Variants in MARCHF1 observed in about 807,000 individuals in gnomAD.
The protein encoded by MARCHF1 is E3 ubiquitin-protein ligase MARCHF1.
Under a neutral mutation model 54.2 loss-of-function variants are expected in MARCHF1, and 40 were observed. The observed-to-expected ratio is 0.74, with a 90% confidence interval of 0.57 to 0.96. The LOEUF (loss-of-function observed/expected upper bound fraction) is 0.96, where lower values mean the gene tolerates loss of function less well. Among genes scored for constraint, MARCHF1 ranks in the 40% least tolerant of loss-of-function variants. The pLI is 0.00. For missense variants in MARCHF1, 586 were observed against 656.5 expected (o/e 0.89, Z 1.17); for synonymous variants, 236 against 236.3 (o/e 1.00, Z 0.01).
chr4:164,077,309 G>T (rs1367165953), intron 2 of MARCHF1, among the ~76,000 whole-genome samples: 1 of 152,138 alleles, frequency 6.6e-6, no homozygotes, highest in African/African-American at 2.4e-5. Flanking sequence ...AATGGTGTTG[G>T]CAAAACTGGC....
intron 2 of MARCHF1, among the ~76,000 whole-genome samples, chr4:164,035,224 C>G (rs1393542447): frequency 6.6e-6 from 1 of 151,992 alleles, no homozygotes; most frequent in Non-Finnish European, 1.5e-5. Context: ...TGTTTAACAG[C>G]TTTTCCAATG....
chr4:164,221,845 T>A (rs1412898214), intron 1 of MARCHF1, among the ~76,000 whole-genome samples: 1 of 152,060 alleles, frequency 6.6e-6, no homozygotes, highest in Non-Finnish European at 1.5e-5. Flanking sequence ...ATGAGTCATA[T>A]GTCCACTCCA....
chr4:164,199,266 G>A (rs1202709051), intron 1 of MARCHF1, among the ~76,000 whole-genome samples: 2 of 152,074 alleles, frequency 1.3e-5, no homozygotes, highest in Non-Finnish European at 2.9e-5. Context: ...CTTTTATATA[G>A]CTTATACAAT....
intron 3 of MARCHF1, among the ~76,000 whole-genome samples, chr4:163,947,508 G>A (rs1360315719): frequency 6.6e-6 from 1 of 152,216 alleles, no homozygotes; most frequent in Non-Finnish European, 1.5e-5. Flanking sequence ...AGGCAGAAGT[G>A]TCAGAGTCAG....
chr4:163,913,497 T>G (rs1198935797), intron 3 of MARCHF1, among the ~76,000 whole-genome samples: 1 of 152,140 alleles, frequency 6.6e-6, no homozygotes, highest in Non-Finnish European at 1.5e-5. Context: ...ACAGTTGCTA[T>G]TTTCCCTACA....
chr4:164,182,658 T>C (rs1033163902), intron 1 of MARCHF1, among the ~76,000 whole-genome samples: 7 of 151,914 alleles, frequency 4.6e-5, no homozygotes, highest in Admixed American at 1.3e-4. Flanking sequence ...TTACACAGAT[T>C]TTACAATCAT....
intron 8 of MARCHF1, among the ~76,000 whole-genome samples, chr4:163,577,153 G>C (rs1740067643): frequency 6.6e-6 from 1 of 151,936 alleles, no homozygotes; most frequent in South Asian, 2.1e-4. Flanking sequence ...GCTTTATAGG[G>C]TCTGTTTTGT....
chr4:163,794,753 A>T (rs1579292350), intron 4 of MARCHF1, among the ~76,000 whole-genome samples: 1 of 152,346 alleles, frequency 6.6e-6, no homozygotes, highest in East Asian at 1.9e-4. Context: ...CCTGGGTTTT[A>T]CTTGTTGATT....
chr4:163,617,292 G>C (rs1473330528), intron 5 of MARCHF1, among the ~76,000 whole-genome samples: 1 of 152,142 alleles, frequency 6.6e-6, no homozygotes, highest in Non-Finnish European at 1.5e-5. Context: ...AGCCAAGTAA[G>C]AGGAAGACAT....
At chr4:163,983,290 G>A (rs993602275) in intron 3 of MARCHF1, among the ~76,000 whole-genome samples, 1 of 152,104 alleles carries the variant, frequency 6.6e-6, no homozygotes, top group African/African-American at 2.4e-5. Flanking sequence ...AAACTTGAAA[G>A]GCTGAGTTAT....
intron 1 of MARCHF1, among the ~76,000 whole-genome samples, chr4:164,334,857 G>C (rs1456858028): frequency 6.6e-6 from 1 of 152,156 alleles, no homozygotes; most frequent in Non-Finnish European, 1.5e-5. Flanking sequence ...ACATTAACAG[G>C]AGTTTGGGAG....
intron 3 of MARCHF1, among the ~76,000 whole-genome samples, chr4:163,891,591 C>T (rs913321728): frequency 2.0e-5 from 3 of 152,072 alleles, no homozygotes; most frequent in South Asian, 2.1e-4. Context: ...GTCACCATTG[C>T]ACATAGAAAA....
intron 3 of MARCHF1, among the ~76,000 whole-genome samples, chr4:163,975,773 G>A (rs1174427515): frequency 6.6e-6 from 1 of 152,124 alleles, no homozygotes; most frequent in African/African-American, 2.4e-5. Flanking sequence ...AAGGGCCTTA[G>A]GTCCAGCAGC....
Position 163,612,184 on chromosome 4 carries a change from T to C in MARCHF1, c.1010+87A>G, listed in dbSNP as rs1741363513. Reference sequence around the variant, plus strand: ...GAACAATGTAAATAAATGTTAAGTTTTGAGGGTAGGTGTCAAACACGCACC... The same window carrying C: ...GAACAATGTAAATAAATGTTAAGTTCTGAGGGTAGGTGTCAAACACGCACC... On this transcript the variant is annotated intron_variant, in intron 7 of 9. Coordinates refer to ENST00000514618, the MANE Select transcript of MARCHF1 (RefSeq NM_001394959.1). 8.8e-6 allele frequency: 10 copies of C among 1,141,734 alleles called. 1 individual carries two copies. In the South Asian group the frequency reaches 1.8e-4, roughly 20 times the overall value. 70.7% of individuals were successfully genotyped at this position (1,141,734 alleles called of 1,614,324 possible). A position where few individuals can be genotyped will look rare whatever the true frequency, so the allele number is the denominator to read the frequency against.
intron 1 of MARCHF1, among the ~76,000 whole-genome samples, chr4:164,142,052 G>C (rs1055172150): frequency 1.3e-5 from 2 of 152,174 alleles, no homozygotes; most frequent in Non-Finnish European, 2.9e-5. Flanking sequence ...GTCAAAGAAA[G>C]GGGTGACAGA....
chr4:163,827,878 A>G (rs1432251343), intron 4 of MARCHF1, among the ~76,000 whole-genome samples: 12 of 152,102 alleles, frequency 7.9e-5, no homozygotes, highest in Admixed American at 7.2e-4. Context: ...CAATAGAGCT[A>G]AGGAAGCAAA....
intron 4 of MARCHF1, among the ~76,000 whole-genome samples, chr4:163,833,178 A>G (rs990683727): frequency 9.2e-5 from 14 of 152,170 alleles, no homozygotes; most frequent in Non-Finnish European, 1.6e-4. Flanking sequence ...TGACTTCCAC[A>G]ATGGTTGAAC....
intron 2 of MARCHF1, among the ~76,000 whole-genome samples, chr4:164,016,899 C>G (rs1242822677): frequency 1.3e-5 from 2 of 151,928 alleles, no homozygotes; most frequent in African/African-American, 2.4e-5. Context: ...ATGCTTATAT[C>G]AAAACATCAC....
rs987188348 is a variant in MARCHF1, at chr4:163,527,402, A to G, written c.*1346T>C. 1 of 152,130 alleles carries G rather than the reference A, an allele frequency of 6.6e-6. No individual in the cohort carries two copies. The highest frequency in any genetic ancestry group is 1.5e-5 in the Non-Finnish European group (1 of 67,964). The allele number at this position is 152,130 out of a possible 1,614,324, so 9.4% of individuals were successfully genotyped here. A position where few individuals can be genotyped will look rare whatever the true frequency, so the allele number is the denominator to read the frequency against. ...ATCATCTGTCAAGTTGACACCTCAT[A>G]TGGATGAAATAAGCCTTACACATTT... On this transcript the variant is annotated 3_prime_UTR_variant, in exon 10 of 10. Coordinates refer to ENST00000514618, the MANE Select transcript of MARCHF1 (RefSeq NM_001394959.1).
Sources: allele counts gnomAD v4.1 joint callset (sites outside exome capture counted in the v4.1 genomes callset), GRCh38; gene constraint gnomAD v4.1.1; transcripts MANE v1.5; gene names NCBI Gene and HGNC (gene_info 2026-07-23, HGNC 2026-07-21).